SLC9A2: variants seen among roughly 807,000 people sequenced by gnomAD.
The protein encoded by SLC9A2 is solute carrier family 9 member A2.
A neutral mutation model predicts 71.7 loss-of-function variants in SLC9A2; 42 were observed. The ratio of observed to expected loss-of-function variants is 0.59; its 90% confidence interval spans 0.46 to 0.76. The LOEUF is 0.76. Among genes scored for constraint, SLC9A2 ranks in the 30% least tolerant of loss-of-function variants. The pLI is 0.00. For synonymous variants in SLC9A2, 396 were observed against 392.5 expected (o/e 1.01, Z -0.10); for missense variants, 829 against 1,017.4 (o/e 0.81, Z 2.52).
chr2:102,675,049 A>G (rs540921537), intron 3 of SLC9A2, among the ~76,000 whole-genome samples: 1 of 152,356 alleles, frequency 6.6e-6, no homozygotes, highest in African/African-American at 2.4e-5. Context: ...ACTGTGTCAC[A>G]TGACCCGCCC....
intron 1 of SLC9A2, among the ~76,000 whole-genome samples, chr2:102,627,581 A>G (rs2104497438): frequency 6.6e-6 from 1 of 152,110 alleles, no homozygotes; most frequent in South Asian, 2.1e-4. Context: ...ATATGCATTT[A>G]TGTTCTCCTT....
At position 102,708,615 on chromosome 2, in the gene SLC9A2, C is replaced by A; in HGVS notation, c.*126C>A. 4 of 1,113,468 alleles carry A rather than the reference C, an allele frequency of 3.6e-6. No individual in the cohort carries two copies. The highest frequency in any genetic ancestry group is 3.4e-5 in the South Asian group (2 of 58,272). 69.0% of individuals were successfully genotyped at this position (1,113,468 alleles called of 1,614,324 possible). ...GCATCTAAATACTTCTGGAGGGCGA[C>A]AGATTCATGCCACGGATAAATGAGG... is the stretch of plus-strand genomic sequence containing the variant. On this transcript the variant is annotated 3_prime_UTR_variant, in exon 12 of 12. Coordinates refer to ENST00000233969, the MANE Select transcript of SLC9A2 (RefSeq NM_003048.6).
intron 1 of SLC9A2, among the ~76,000 whole-genome samples, chr2:102,641,566 C>A (rs1214873549): frequency 6.6e-6 from 1 of 151,800 alleles, no homozygotes; most frequent in Non-Finnish European, 1.5e-5. Flanking sequence ...TTAAAAAGCC[C>A]CTCCCCCACA....
intron 2 of SLC9A2, among the ~76,000 whole-genome samples, chr2:102,659,531 A>G (rs906556301): frequency 6.6e-6 from 1 of 152,182 alleles, no homozygotes; most frequent in Non-Finnish European, 1.5e-5. Flanking sequence ...AAATCCTCAG[A>G]ATGAATAAAA....
intron 1 of SLC9A2, among the ~76,000 whole-genome samples, chr2:102,628,187 A>T (rs1676286461): frequency 6.6e-6 from 1 of 152,210 alleles, no homozygotes; most frequent in Non-Finnish European, 1.5e-5. Context: ...AAATAATAAT[A>T]ACAATAAAGA....
intron 3 of SLC9A2, among the ~76,000 whole-genome samples, chr2:102,668,038 C>A (rs1677175209): frequency 6.6e-6 from 1 of 151,990 alleles, no homozygotes; most frequent in African/African-American, 2.4e-5. Flanking sequence ...CACACCACTG[C>A]CCTCCAGCCC....
intron 11 of SLC9A2, among the ~76,000 whole-genome samples, chr2:102,707,558 C>T (rs1417692407): frequency 6.6e-6 from 1 of 152,142 alleles, no homozygotes; most frequent in Admixed American, 6.5e-5. Flanking sequence ...CTGTCTCCTC[C>T]CTTTGTTTGC....
At position 102,619,588 on chromosome 2, in the gene SLC9A2, G is replaced by T. The variant is rs1206000967; in HGVS notation, c.-261G>T. ...GCACCGGCATGGGCAGGCGGCCGGC[G>T]GCGGAGGGCGGCTGAGGGCTGCTGA... On this transcript the variant is annotated 5_prime_UTR_variant, in exon 1 of 12. Coordinates refer to ENST00000233969, the MANE Select transcript of SLC9A2 (RefSeq NM_003048.6). This position sits in a 1 kb window ranked among gnomAD's most constrained non-coding sequence, Gnocchi z 4.3. 4 of 331,564 alleles carry T rather than the reference G, an allele frequency of 1.2e-5. No homozygotes were observed. Among genetic ancestry groups the T allele is most frequent in the Non-Finnish European group, 1.6e-5 (3 of 184,102 alleles). The allele number at this position is 331,564 out of a possible 1,614,324, so 20.5% of individuals were successfully genotyped here. A position where few individuals can be genotyped will look rare whatever the true frequency, so the allele number is the denominator to read the frequency against.
chr2:102,683,220 T>A (rs749859612), intron 3 of SLC9A2, 41 bp from the exon 4 acceptor site: 1 of 1,419,598 alleles, frequency 7.0e-7, no homozygotes, highest in African/African-American at 1.4e-5. Flanking sequence ...CTGATTAAGA[T>A]CATTGTTAGG....
intron 11 of SLC9A2, among the ~76,000 whole-genome samples, chr2:102,706,826 T>C (rs1482856068): frequency 6.6e-6 from 1 of 152,264 alleles, no homozygotes; most frequent in East Asian, 1.9e-4. Context: ...AGCAGCCATA[T>C]ATTTATTCTG....
At chr2:102,633,415 C>G (rs929028739) in intron 1 of SLC9A2, among the ~76,000 whole-genome samples, 1 of 152,144 alleles carries the variant, frequency 6.6e-6, no homozygotes, top group Non-Finnish European at 1.5e-5. Context: ...CACTCTTAAC[C>G]TGGAGCCAGA....
At chr2:102,646,764 CCTAAATATATATATAT>C (rs1406736713) in intron 1 of SLC9A2, among the ~76,000 whole-genome samples, 1 of 77,526 alleles carries the variant, frequency 1.3e-5, no homozygotes, top group African/African-American at 7.6e-5. Flanking sequence ...AGCTAACGAT[CCTAAATATATATATAT>C]ATATATATAT....
intron 3 of SLC9A2, among the ~76,000 whole-genome samples, chr2:102,675,971 A>C (rs923330810): frequency 3.3e-5 from 5 of 152,196 alleles, no homozygotes; most frequent in Non-Finnish European, 7.3e-5. Flanking sequence ...AGAGGTTCTG[A>C]TATAGGCCTT....
Position 102,708,513 on chromosome 2 carries a change from A to G in SLC9A2, c.*24A>G, listed in dbSNP as rs1678032902. ...AAGAGAAGCAGCGAAAGCAGATCTG[A>G]GTGTCTGACCCAGGACAGCTGTGGT... On this transcript the variant is annotated 3_prime_UTR_variant, in exon 12 of 12. Transcript: ENST00000233969. 1 of 1,603,096 alleles carries G rather than the reference A, an allele frequency of 6.2e-7. No homozygotes were observed. The highest frequency in any genetic ancestry group is 8.5e-7 in the Non-Finnish European group (1 of 1,174,308).
At chr2:102,630,388 C>T (rs1027597403) in intron 1 of SLC9A2, among the ~76,000 whole-genome samples, 2 of 151,886 alleles carry the variant, frequency 1.3e-5, no homozygotes, top group African/African-American at 4.8e-5. Flanking sequence ...TATATTACTT[C>T]AATACTTTTT....
At chr2:102,622,675 G>A (rs767473129) in intron 1 of SLC9A2, among the ~76,000 whole-genome samples, 3 of 152,140 alleles carry the variant, frequency 2.0e-5, no homozygotes, top group Non-Finnish European at 4.4e-5. Context: ...TCTTTTGGGA[G>A]GATTAAATGA....
At chr2:102,643,295 G>GA (rs1676647553) in intron 1 of SLC9A2, among the ~76,000 whole-genome samples, 1 of 152,094 alleles carries the variant, frequency 6.6e-6, no homozygotes, top group Non-Finnish European at 1.5e-5. Flanking sequence ...CACCCCAATA[G>GA]AAAAGCCAGG....
At position 102,695,073 on chromosome 2, in the gene SLC9A2, G is replaced by T; in HGVS notation, c.1546G>T (p.Asp516Tyr). ...LFDHVKTGIE[D>Y]VCGHWGHNFW... ...TGATCATGTGAAGACTGGAATTGAAGATGTTTGTGGACATTGGGGTCACAA... is the reference window on the plus strand; with the variant it reads ...TGATCATGTGAAGACTGGAATTGAATATGTTTGTGGACATTGGGGTCACAA... The change falls in exon 7 of 12, where the codon GAT (aspartate) becomes TAT (tyrosine). Residue 516 changes from aspartate (D) to tyrosine (Y), a missense_variant. Around this residue, in one of 3 missense-constraint regions of SLC9A2, gnomAD observed 500 missense variants for 726.3 expected, o/e 0.69. Coordinates refer to ENST00000233969, the MANE Select transcript of SLC9A2 (RefSeq NM_003048.6). 6.2e-7 allele frequency: 1 copy of T among 1,613,988 alleles called. No homozygotes were observed. Among genetic ancestry groups the T allele is most frequent in the Non-Finnish European group, 8.5e-7 (1 of 1,179,896 alleles).
chr2:102,647,195 C>G (rs1676744298), intron 1 of SLC9A2, among the ~76,000 whole-genome samples: 1 of 152,212 alleles, frequency 6.6e-6, no homozygotes, highest in South Asian at 2.1e-4. Flanking sequence ...AACTGAACAA[C>G]TTGCTCCCAA....
Sources: gnomAD v4.1 joint callset for allele counts (sites outside exome capture counted in the v4.1 genomes callset) on GRCh38, gnomAD v4.1.1 for gene constraint, gnomAD v4.1.1 regional missense constraint, Gnocchi (gnomAD v3.1) non-coding constraint, MANE v1.5 for transcripts, NCBI Gene and HGNC (gene_info 2026-07-23, HGNC 2026-07-21) for gene names.